PREP: variants seen among roughly 807,000 people sequenced by gnomAD.
PREP encodes the protein prolyl endopeptidase.
PREP carries 29 observed loss-of-function variants against 87.6 expected under a neutral mutation model. The ratio of observed to expected loss-of-function variants is 0.33; its 90% CI spans 0.25 to 0.45. The LOEUF (loss-of-function observed/expected upper bound fraction) is 0.45, where lower values mean the gene tolerates loss of function less well. PREP is among the 20% of genes least tolerant of loss of function. The probability of loss-of-function intolerance (pLI) is 1.00; values close to 1 mark genes in which losing one functional copy is unlikely to be tolerated. For synonymous variants in PREP, 337 were observed against 328.6 expected (o/e 1.03, Z -0.28); for missense variants, 695 against 886.5 (o/e 0.78, Z 2.74).
rs1366552973 is a variant in PREP at position 105,402,993 on chromosome 6, G to A, written c.-102C>T. 3 of 500,192 alleles carry A rather than the reference G, an allele frequency of 6.0e-6. No homozygotes were observed. The highest frequency in any genetic ancestry group is 2.0e-5 in the African/African-American group (1 of 49,502). 31.0% of individuals were successfully genotyped at this position (500,192 alleles called of 1,614,324 possible). ...AGGCGCGGCTGGGGCGCAGGCAGCT[G>A]CGGGGCGGCCGGCGGCAGCGGGCGG... is the stretch of plus-strand genomic sequence containing the variant. On this transcript the variant is annotated 5_prime_UTR_variant, in exon 1 of 15. Transcript: ENST00000652536.
chr6:105,346,549 A>T (rs1771803214), intron 7 of PREP, among the ~76,000 whole-genome samples: 1 of 152,276 alleles, frequency 6.6e-6, no homozygotes, highest in African/African-American at 2.4e-5. Flanking sequence ...AAGCACAGAC[A>T]GGTTAGTGAA....
chr6:105,387,324 G>A (rs1236668601), intron 2 of PREP, among the ~76,000 whole-genome samples: 1 of 152,198 alleles, frequency 6.6e-6, no homozygotes, highest in Non-Finnish European at 1.5e-5. Flanking sequence ...TCTGATGCCA[G>A]CATTTTTCAC....
intron 2 of PREP, among the ~76,000 whole-genome samples, chr6:105,386,225 G>A (rs908315109): frequency 3.9e-5 from 6 of 152,090 alleles, no homozygotes; most frequent in South Asian, 2.1e-4. Context: ...ACAACTATAC[G>A]CACTGCCTTC....
At chr6:105,353,840 G>A (rs1393106694) in intron 6 of PREP, among the ~76,000 whole-genome samples, 1 of 151,410 alleles carries the variant, frequency 6.6e-6, no homozygotes, top group Non-Finnish European at 1.5e-5. Flanking sequence ...GGTTCACACT[G>A]GTCACATTGA....
intron 10 of PREP, among the ~76,000 whole-genome samples, chr6:105,303,158 A>T (rs1358750120): frequency 6.9e-6 from 1 of 145,422 alleles, no homozygotes; most frequent in Admixed American, 6.8e-5. Flanking sequence ...TATGTATGTA[A>T]AGCAATCCTC....
chr6:105,303,221 C>T (rs978653342), intron 10 of PREP, among the ~76,000 whole-genome samples: 7 of 152,124 alleles, frequency 4.6e-5, no homozygotes, highest in Non-Finnish European at 8.8e-5. Flanking sequence ...TGCACCACCA[C>T]ATGCAGCTAA....
At chr6:105,399,090 A>G (rs543597482) in intron 1 of PREP, among the ~76,000 whole-genome samples, 8 of 152,196 alleles carry the variant, frequency 5.3e-5, no homozygotes, top group Admixed American at 4.6e-4. Flanking sequence ...CCCGGGCAAC[A>G]GAGCAAGACT....
At position 105,275,002 on chromosome 6, in the gene PREP, G is replaced by A. The variant is rs1769906158; in HGVS notation, c.*3142C>T. Among the ~76,000 whole-genome samples the A allele has an allele frequency of 6.6e-6, 1 of 152,098 alleles. No individual in the cohort carries two copies. The highest frequency in any genetic ancestry group is 2.4e-5 in the African/African-American group (1 of 41,384). On this transcript the variant is annotated 3_prime_UTR_variant, in exon 15 of 15. Transcript: ENST00000652536. ...CTCCCTGGAATATCAACTGGATGAG[G>A]GCAGGACATTTTCTCTCTGCACCTT...
At chr6:105,314,519 T>C (rs1463835167) in intron 10 of PREP, among the ~76,000 whole-genome samples, 1 of 152,212 alleles carries the variant, frequency 6.6e-6, no homozygotes, top group Non-Finnish European at 1.5e-5. Context: ...CCAGCAGGAA[T>C]AGATTCCATC....
chr6:105,290,550 G>C (rs1232680464), intron 10 of PREP, among the ~76,000 whole-genome samples: 1 of 152,094 alleles, frequency 6.6e-6, no homozygotes, highest in Non-Finnish European at 1.5e-5. Context: ...CAGCCAGCTG[G>C]ACTGATACAC....
chr6:105,314,047 A>G (rs1431725609), intron 10 of PREP, among the ~76,000 whole-genome samples: 2 of 152,216 alleles, frequency 1.3e-5, no homozygotes, highest in African/African-American at 2.4e-5. Flanking sequence ...GAAGAAAGTC[A>G]CACCCACTTC....
At chr6:105,293,069 T>TCC (rs1438324492) in intron 10 of PREP, among the ~76,000 whole-genome samples, 1 of 152,254 alleles carries the variant, frequency 6.6e-6, no homozygotes, top group Non-Finnish European at 1.5e-5. Context: ...TGCTTTCTTA[T>TCC]CATTCATGTC....
intron 10 of PREP, among the ~76,000 whole-genome samples, chr6:105,315,399 T>C (rs555413402): frequency 6.6e-6 from 1 of 152,316 alleles, no homozygotes; most frequent in East Asian, 1.9e-4. Flanking sequence ...CTTGAGCTCC[T>C]GGCCCGAGAG....
intron 13 of PREP, 150 bp from the exon 14 acceptor site, chr6:105,282,052 A>G (rs1053001969): frequency 2.1e-5 from 20 of 954,444 alleles, no homozygotes; most frequent in Non-Finnish European, 3.0e-5. Context: ...CACCTGCCCA[A>G]TAGCCCCAAA....
intron 10 of PREP, among the ~76,000 whole-genome samples, chr6:105,319,090 ATTC>A (rs1770943216): frequency 1.3e-5 from 2 of 152,368 alleles, no homozygotes; most frequent in South Asian, 4.1e-4. Context: ...AAAGCCAAAG[ATTC>A]TTCTTACTTT....
At chr6:105,287,125 TCTAC>T (rs951996779) in intron 11 of PREP, among the ~76,000 whole-genome samples, 3 of 152,248 alleles carry the variant, frequency 2.0e-5, no homozygotes, top group East Asian at 1.9e-4. Context: ...GCAAGGTTGC[TCTAC>T]CTGAGGCTTG....
At chr6:105,315,522 A>T (rs574145380) in intron 10 of PREP, among the ~76,000 whole-genome samples, 13 of 152,288 alleles carry the variant, frequency 8.5e-5, no homozygotes, top group Admixed American at 1.3e-4. Flanking sequence ...GTAAATGTGC[A>T]CTAGCTTCAA....
chr6:105,347,389 A>C (rs116586576), intron 7 of PREP, among the ~76,000 whole-genome samples: 1 of 152,194 alleles, frequency 6.6e-6, no homozygotes, highest in East Asian at 1.9e-4. Context: ...ATTCATAACT[A>C]AATATATGAT....
chr6:105,297,131 T>C lies in PREP; in HGVS notation c.1318-8237A>G, dbSNP rs575809861. Among the ~76,000 whole-genome samples the C allele has an allele frequency of 3.3e-5, 5 of 152,314 alleles. No homozygotes were observed. The South Asian group carries it at 8.3e-4, about 25-fold the overall frequency. On this transcript the variant is annotated intron_variant, in intron 10 of 14. Coordinates refer to ENST00000652536, the MANE Select transcript of PREP (RefSeq NM_002726.5). ...TTGGGCTAATAGCAACACTCTCTTC[T>C]CAGCCACCCTACTTTCAACCCTCAG... is the stretch of plus-strand genomic sequence containing the variant.
Sources: allele counts gnomAD v4.1 joint callset (sites outside exome capture counted in the v4.1 genomes callset), GRCh38; gene constraint gnomAD v4.1.1; transcripts MANE v1.5; gene names NCBI Gene and HGNC (gene_info 2026-07-23, HGNC 2026-07-21).